The following C4orf51 variants were observed in gnomAD, a reference collection of about 807,000 sequenced individuals.
The protein encoded by C4orf51 is uncharacterized protein C4orf51.
C4orf51 carries 25 observed loss-of-function variants against 25.2 expected under a neutral mutation model. That is an observed-to-expected ratio of 0.99 (90% confidence interval 0.72 to 1.39). The LOEUF (loss-of-function observed/expected upper bound fraction) is 1.39. C4orf51 is among the 40% of genes most tolerant of loss of function. The pLI, the probability that C4orf51 is intolerant of heterozygous loss-of-function variation, is 0.00. For synonymous variants in C4orf51, 100 were observed against 84.5 expected, an observed-to-expected ratio of 1.18 and a Z score of -1.01; for missense variants, 252 against 239.6, an observed-to-expected ratio of 1.05 and a Z score of -0.34.
rs1030528667 is a variant in C4orf51 at position 145,680,243 on chromosome 4, C to T, written c.40C>T (p.Pro14Ser). 6.2e-7 allele frequency: 1 copy of T among 1,613,910 alleles called. No homozygotes were observed. Among genetic ancestry groups the T allele is most frequent in the Admixed American group, 1.7e-5 (1 of 60,010 alleles). Reference protein sequence around the residue: ...YFYLTPQILLPFSPLTSQEFD... With the variant: ...YFYLTPQILLSFSPLTSQEFD... Reference sequence around the variant, plus strand: ...CTACTTGACTCCACAAATTCTTCTGCCCTTTAGCCCTCTTACTTCTCAAGA... The same window carrying T: ...CTACTTGACTCCACAAATTCTTCTGTCCTTTAGCCCTCTTACTTCTCAAGA... The change falls in exon 1 of 6, where the codon CCC (proline) becomes TCC (serine). Residue 14 changes from proline (P) to serine (S), a missense_variant. Coordinates refer to ENST00000438731, the MANE Select transcript of C4orf51 (RefSeq NM_001080531.3).
At chr4:145,738,459 C>A (rs200374647) in intron 1 of C4orf51, among the ~76,000 whole-genome samples, 1 of 146,650 alleles carries the variant, frequency 6.8e-6, no homozygotes, top group African/African-American at 2.5e-5. Flanking sequence ...CGAAAAAAAA[C>A]ATATATATAT....
intron 1 of C4orf51, among the ~76,000 whole-genome samples, chr4:145,750,744 T>C (rs1418665832): frequency 6.6e-6 from 1 of 152,198 alleles, no homozygotes; most frequent in Non-Finnish European, 1.5e-5. Flanking sequence ...CCTATCTATT[T>C]CTCTACTTCT....
intron 1 of C4orf51, among the ~76,000 whole-genome samples, chr4:145,739,944 A>C (rs1733003633): frequency 6.6e-6 from 1 of 152,076 alleles, no homozygotes; most frequent in African/African-American, 2.4e-5. Context: ...TAGAGGAGGG[A>C]GATCTGGGAA....
intron 2 of C4orf51, among the ~76,000 whole-genome samples, chr4:145,699,792 C>A (rs1416739819): frequency 6.6e-6 from 1 of 151,808 alleles, no homozygotes; most frequent in Admixed American, 6.6e-5. Context: ...TCTACCCCTT[C>A]TCTGCTTTTG....
At chr4:145,776,662 G>C in the C4orf51 span, among the ~76,000 whole-genome samples, 183 of 152,216 alleles carry the variant, frequency 1.2e-3, 7 homozygotes, top group South Asian at 0.037. Context: ...GTGCTGAGCA[G>C]GGGAGGGGGA....
chr4:145,791,514 T>C, the C4orf51 span, among the ~76,000 whole-genome samples: 1 of 152,200 alleles, frequency 6.6e-6, no homozygotes, highest in African/African-American at 2.4e-5. Flanking sequence ...TCATAATGAT[T>C]GGCAGCACTG....
At chr4:145,703,862 GGGAGCCATA>G (rs1730623984) in intron 2 of C4orf51, among the ~76,000 whole-genome samples, 3 of 152,236 alleles carry the variant, frequency 2.0e-5, no homozygotes, top group Non-Finnish European at 2.9e-5. Context: ...AGACTGCTGT[GGGAGCCATA>G]GGCTCTTGGC....
chr4:145,777,157 A>G, the C4orf51 span, among the ~76,000 whole-genome samples: 3 of 152,234 alleles, frequency 2.0e-5, no homozygotes, highest in Non-Finnish European at 2.9e-5. Flanking sequence ...GTGGTCCCCA[A>G]CATCTTGAAG....
chr4:145,762,944 C>T lies in C4orf51; in HGVS notation n.167-8044C>T. The T allele has an allele frequency of 1.4e-6, 1 of 726,824 alleles. No individual in the cohort carries two copies. The highest frequency in any genetic ancestry group is 1.9e-5 in the South Asian group (1 of 53,346). The allele number at this position is 726,824 out of a possible 1,614,324, so 45.0% of individuals were successfully genotyped here. A position where few individuals can be genotyped will look rare whatever the true frequency, so the allele number is the denominator to read the frequency against. ...AGGTGTTCAGCAGAGCCCAACACAA[C>T]CAAGTGCACCGTGCACGGCCTCCTC... On this transcript the variant is annotated intron_variant and non_coding_transcript_variant, in intron 1 of 1. Coordinates refer to the C4orf51 transcript ENST00000510096. The surrounding 1 kb of genome is among the most constrained non-coding windows in gnomAD (Gnocchi z 4.9).
At chr4:145,749,611 T>A (rs1180687814) in intron 1 of C4orf51, among the ~76,000 whole-genome samples, 1 of 152,112 alleles carries the variant, frequency 6.6e-6, no homozygotes, top group Non-Finnish European at 1.5e-5. Context: ...ATGAGATTTG[T>A]AAATACTATC....
In C4orf51 at chr4:145,763,043, T is replaced by C. The variant is rs1428417245; in HGVS notation, n.167-7945T>C. On this transcript the variant is annotated intron_variant and non_coding_transcript_variant, in intron 1 of 1. Transcript: ENST00000510096. This position sits in a 1 kb window ranked among gnomAD's most constrained non-coding sequence, Gnocchi z 4.6. Reference sequence around the variant, plus strand: ...CACACGAGAGAAATATAAAGCCCATTCCCAGGTCAGGTGCACACACAACCC... The same window carrying C: ...CACACGAGAGAAATATAAAGCCCATCCCCAGGTCAGGTGCACACACAACCC... 8 of 1,506,214 alleles carry C rather than the reference T, an allele frequency of 5.3e-6. No individual in the cohort carries two copies. Among genetic ancestry groups the C allele is most frequent in the Non-Finnish European group, 7.1e-6 (8 of 1,123,782 alleles). The allele number at this position is 1,506,214 out of a possible 1,614,324, so 93.3% of individuals were successfully genotyped here. A position where few individuals can be genotyped will look rare whatever the true frequency, so the allele number is the denominator to read the frequency against.
the C4orf51 span, among the ~76,000 whole-genome samples, chr4:145,783,158 T>G: frequency 2.6e-5 from 4 of 152,176 alleles, no homozygotes; most frequent in Non-Finnish European, 5.9e-5. Flanking sequence ...TGGCCTCCCT[T>G]CCCTGGGGTA....
At chr4:145,772,570 T>C (rs56769462), downstream of C4orf51, among the ~76,000 whole-genome samples, 7,237 of 152,296 alleles carry the variant, frequency 0.048, 564 homozygotes, top group African/African-American at 0.16. Context: ...ATTTGCATAT[T>C]GTCTACGACT....
downstream of C4orf51, among the ~76,000 whole-genome samples, chr4:145,735,831 C>A (rs1254402969): frequency 6.6e-6 from 1 of 152,116 alleles, no homozygotes; most frequent in Non-Finnish European, 1.5e-5. Context: ...AAAATAAAGT[C>A]TTTTAAGGAC....
At chr4:145,752,293 C>T (rs1238973983) in intron 1 of C4orf51, among the ~76,000 whole-genome samples, 1 of 152,180 alleles carries the variant, frequency 6.6e-6, no homozygotes, top group African/African-American at 2.4e-5. Context: ...CAGTCTCACC[C>T]AAAGTTCTTG....
chr4:145,700,150 A>C (rs1321996629), intron 2 of C4orf51, among the ~76,000 whole-genome samples: 5 of 89,948 alleles, frequency 5.6e-5, no homozygotes, highest in Admixed American at 2.6e-4. Flanking sequence ...CCTTATTTCC[A>C]TGCCCCAACC....
chr4:145,684,749 A>G (rs1274812419), intron 1 of C4orf51, among the ~76,000 whole-genome samples: 4 of 152,126 alleles, frequency 2.6e-5, no homozygotes, highest in African/African-American at 7.2e-5. Context: ...TTTTGCTGTG[A>G]CTGAAAAACT....
At chr4:145,786,727 G>T in the C4orf51 span, among the ~76,000 whole-genome samples, 3 of 152,244 alleles carry the variant, frequency 2.0e-5, no homozygotes, top group Non-Finnish European at 2.9e-5. Flanking sequence ...TCTGAGGGCT[G>T]CTTGTGAAGC....
In C4orf51 at chr4:145,684,161, TAC is replaced by T. The variant is rs1258452708; in HGVS notation, c.233+3729_233+3730del. 7.9e-5 allele frequency among the ~76,000 whole-genome samples: 12 copies of T among 152,250 alleles called. No homozygotes were observed. In the East Asian group the frequency reaches 2.1e-3, roughly 27 times the overall value. ...TTTAAAAAATACCTCACCAAAGGGATACACAGTTGGCAAATAAGCATGTAAAA... is the reference window on the plus strand; with the variant it reads ...TTTAAAAAATACCTCACCAAAGGGATACAGTTGGCAAATAAGCATGTAAAA... On this transcript the variant is annotated intron_variant, in intron 1 of 5. Transcript: ENST00000438731.
Sources: gnomAD v4.1 joint callset for allele counts (sites outside exome capture counted in the v4.1 genomes callset) on GRCh38, gnomAD v4.1.1 for gene constraint, Gnocchi (gnomAD v3.1) non-coding constraint, MANE v1.5 for transcripts, NCBI Gene and HGNC (gene_info 2026-07-23, HGNC 2026-07-21) for gene names.